The following YPEL1 variants were observed in gnomAD, a reference collection of about 807,000 sequenced individuals.
YPEL1 encodes protein yippee-like 1.
YPEL1 carries 7 observed loss-of-function variants against 17.3 expected under a neutral mutation model. The ratio of observed to expected loss-of-function variants is 0.40; its 90% CI spans 0.23 to 0.76. The LOEUF (loss-of-function observed/expected upper bound fraction) is 0.76. Ranked by LOEUF, YPEL1 falls within the 30% of genes least tolerant of loss-of-function variation. YPEL1 has a pLI of 0.35. For synonymous variants in YPEL1, 59 were observed against 59.6 expected (o/e 0.99, Z 0.05); for missense variants, 91 against 155.5 (o/e 0.59, Z 2.21).
intron 1 of YPEL1, among the ~76,000 whole-genome samples, chr22:21,716,145 G>C (rs1248658055): frequency 6.6e-6 from 1 of 152,084 alleles, no homozygotes; most frequent in Non-Finnish European, 1.5e-5. Flanking sequence ...CTGGCCTCAA[G>C]TGATCTGCCT....
chr22:21,698,009 A>G lies in YPEL1; in HGVS notation c.*3120T>C, dbSNP rs1464568220. On this transcript the variant is annotated 3_prime_UTR_variant, in exon 5 of 5. Coordinates refer to ENST00000339468, the MANE Select transcript of YPEL1 (RefSeq NM_013313.5). The stretch of plus-strand genomic sequence containing the variant: ...AAACAATGCCAAACCACATTCCTAC[A>G]GCAAATGCACTGTGCCATTTATAAC... The G allele has an allele frequency of 6.6e-6, 1 of 152,314 alleles. No homozygotes were observed. The highest frequency in any genetic ancestry group is 2.4e-5 in the African/African-American group (1 of 41,426). 9.4% of individuals were successfully genotyped at this position (152,314 alleles called of 1,614,324 possible).
intron 1 of YPEL1, among the ~76,000 whole-genome samples, chr22:21,719,685 G>A (rs1351332891): frequency 6.6e-6 from 1 of 152,076 alleles, no homozygotes; most frequent in Admixed American, 6.6e-5. Context: ...AGGAGCTCGA[G>A]ACCAGTCTGG....
At chr22:21,721,931 T>A (rs1386766809) in intron 1 of YPEL1, among the ~76,000 whole-genome samples, 1 of 152,198 alleles carries the variant, frequency 6.6e-6, no homozygotes, top group Non-Finnish European at 1.5e-5. Flanking sequence ...TTCCATGAAT[T>A]TGACTTCTCT....
intron 1 of YPEL1, among the ~76,000 whole-genome samples, chr22:21,724,740 T>A (rs1407606035): frequency 6.8e-6 from 1 of 146,468 alleles, no homozygotes; most frequent in African/African-American, 2.5e-5. Flanking sequence ...GCCACCACAC[T>A]TGGTTCATTT....
chr22:21,730,515 A>C (rs2068376813), intron 1 of YPEL1, among the ~76,000 whole-genome samples: 1 of 152,192 alleles, frequency 6.6e-6, no homozygotes. Flanking sequence ...GAGCTACAGC[A>C]TCTGGCCCAC....
rs373941060 is a variant in YPEL1, at chr22:21,710,480, C to G, written c.117+148G>C. The G allele has an allele frequency of 9.6e-6, 7 of 732,742 alleles. No individual in the cohort carries two copies. The South Asian group carries it at 1.1e-4, about 12-fold the overall frequency. The allele number at this position is 732,742 out of a possible 1,614,324, so 45.4% of individuals were successfully genotyped here. Reference sequence around the variant, plus strand: ...CAGCCACACTTAACCATGCACAAAACGCTCACCAATGCTGCCTAGAAGGCT... The same window carrying G: ...CAGCCACACTTAACCATGCACAAAAGGCTCACCAATGCTGCCTAGAAGGCT... On this transcript the variant is annotated intron_variant, in intron 2 of 4. Coordinates refer to ENST00000339468, the MANE Select transcript of YPEL1 (RefSeq NM_013313.5).
chr22:21,723,676 T>C (rs962933463), intron 1 of YPEL1, among the ~76,000 whole-genome samples: 2 of 134,726 alleles, frequency 1.5e-5, no homozygotes, highest in African/African-American at 3.0e-5. Context: ...TGGAATTTTA[T>C]TTTATTTTAA....
intron 1 of YPEL1, among the ~76,000 whole-genome samples, chr22:21,735,391 G>A (rs966828188): frequency 6.6e-6 from 1 of 152,150 alleles, no homozygotes; most frequent in African/African-American, 2.4e-5. Context: ...AACGGCGGGG[G>A]AATCAAAGAT....
chr22:21,729,629 A>G (rs1423870816), intron 1 of YPEL1, among the ~76,000 whole-genome samples: 3 of 152,140 alleles, frequency 2.0e-5, no homozygotes, highest in Non-Finnish European at 4.4e-5. Flanking sequence ...TAAAAATTTA[A>G]GAAGTTGACA....
intron 1 of YPEL1, among the ~76,000 whole-genome samples, chr22:21,712,792 G>A (rs2068183254): frequency 6.7e-6 from 1 of 150,282 alleles, no homozygotes; most frequent in African/African-American, 2.4e-5. Flanking sequence ...TATTCTAGTT[G>A]TTAGAATATG....
chr22:21,729,307 T>G (rs531229317), intron 1 of YPEL1, among the ~76,000 whole-genome samples: 19 of 151,372 alleles, frequency 1.3e-4, no homozygotes, highest in Non-Finnish European at 2.5e-4. Flanking sequence ...TACGATCTTA[T>G]CTCAAAAAAA....
At chr22:21,718,320 T>C (rs2068248087) in intron 1 of YPEL1, among the ~76,000 whole-genome samples, 2 of 150,988 alleles carry the variant, frequency 1.3e-5, no homozygotes, top group South Asian at 2.1e-4. Context: ...AAAAAATTAG[T>C]GGGGCGTGGT....
chr22:21,710,686 G>T lies in YPEL1; in HGVS notation c.59C>A (p.Thr20Lys). 1 of 1,614,222 alleles carries T rather than the reference G, an allele frequency of 6.2e-7. No individual in the cohort carries two copies. Among genetic ancestry groups the T allele is most frequent in the Non-Finnish European group, 8.5e-7 (1 of 1,180,048 alleles). ...TGCTCTGCAGTGGATACAGCTGTACGTTCGGTGACAGTTCGGCAGATACGC... is the reference window on the plus strand; with the variant it reads ...TGCTCTGCAGTGGATACAGCTGTACTTTCGGTGACAGTTCGGCAGATACGC... ...FQAYLPNCHR[T>K]YSCIHCRAHL... Residue 20 changes from threonine (T) to lysine (K), a missense_variant, in exon 2 of 5, where the codon ACG becomes AAG. Thr to Lys is a moderately conservative substitution (Grantham distance 78, BLOSUM62 -1). Transcript: ENST00000339468.
At chr22:21,714,149 C>T (rs1217179654) in intron 1 of YPEL1, among the ~76,000 whole-genome samples, 4 of 152,196 alleles carry the variant, frequency 2.6e-5, no homozygotes, top group Non-Finnish European at 5.9e-5. Context: ...GCAGGCACGC[C>T]TGCATTAGAG....
At chr22:21,717,400 A>C (rs1466387352) in intron 1 of YPEL1, among the ~76,000 whole-genome samples, 1 of 151,892 alleles carries the variant, frequency 6.6e-6, no homozygotes, top group Non-Finnish European at 1.5e-5. Context: ...AAACAAAAAA[A>C]CAGTGAGGAA....
chr22:21,710,851 G>A lies in YPEL1; in HGVS notation c.-107C>T. The A allele has an allele frequency of 1.0e-6, 1 of 1,004,124 alleles. No individual in the cohort carries two copies. Among genetic ancestry groups the A allele is most frequent in the Non-Finnish European group, 1.6e-6 (1 of 631,072 alleles). The allele number at this position is 1,004,124 out of a possible 1,614,324, so 62.2% of individuals were successfully genotyped here. A position where few individuals can be genotyped will look rare whatever the true frequency, so the allele number is the denominator to read the frequency against. On this transcript the variant is annotated 5_prime_UTR_variant, in exon 2 of 5. It adds an upstream start codon to the 5' untranslated region. Coordinates refer to ENST00000339468, the MANE Select transcript of YPEL1 (RefSeq NM_013313.5). Reference sequence around the variant, plus strand: ...CTGGAAAATGCACGCAAGAGCCGTCGTTGTCCAGGAGGGCGTGTGGCACTG... The same window carrying A: ...CTGGAAAATGCACGCAAGAGCCGTCATTGTCCAGGAGGGCGTGTGGCACTG...
rs2068086588 is a variant in YPEL1, at chr22:21,703,630, C to T, written c.162-152G>A. ...TGCCGTGCCTCTCCCCCAGCCCTGC[C>T]CGCCACCACCATCAATGGGAAAGAT... On this transcript the variant is annotated intron_variant, in intron 3 of 4. Coordinates refer to ENST00000339468, the MANE Select transcript of YPEL1 (RefSeq NM_013313.5). This position sits in a 1 kb window ranked among gnomAD's most constrained non-coding sequence, Gnocchi z 6.1. The T allele has an allele frequency of 1.2e-6, 1 of 840,508 alleles. No individual in the cohort carries two copies. The highest frequency in any genetic ancestry group is 1.9e-6 in the Non-Finnish European group (1 of 538,530). 52.1% of individuals were successfully genotyped at this position (840,508 alleles called of 1,614,324 possible).
chr22:21,705,124 C>A (rs186571893), intron 2 of YPEL1, among the ~76,000 whole-genome samples: 164 of 152,206 alleles, frequency 1.1e-3, no homozygotes, highest in East Asian at 3.5e-3. Flanking sequence ...TGCCACTAGG[C>A]CCAGCTAATT....
intron 1 of YPEL1, among the ~76,000 whole-genome samples, chr22:21,720,378 T>A (rs923571313): frequency 6.6e-6 from 1 of 151,728 alleles, no homozygotes; most frequent in Non-Finnish European, 1.5e-5. Flanking sequence ...CTAATTTTTT[T>A]GTTGTAGAGA....
Sources: allele counts gnomAD v4.1 joint callset (sites outside exome capture counted in the v4.1 genomes callset), GRCh38; gene constraint gnomAD v4.1.1; non-coding constraint Gnocchi (gnomAD v3.1); transcripts MANE v1.5; gene names NCBI Gene and HGNC (gene_info 2026-07-23, HGNC 2026-07-21).